The following MYO5B variants were observed in gnomAD, a reference collection of about 807,000 sequenced individuals.
MYO5B encodes unconventional myosin-Vb.
In MYO5B, 143 loss-of-function variants were observed where a neutral mutation model predicts 229.3. That is an observed-to-expected ratio of 0.62 (90% confidence interval 0.54 to 0.72). The LOEUF (loss-of-function observed/expected upper bound fraction) is 0.72, where lower values mean the gene tolerates loss of function less well. Ranked by LOEUF, MYO5B falls within the 30% of genes least tolerant of loss-of-function variation. The probability of loss-of-function intolerance (pLI) is 0.00; values close to 1 mark genes in which losing one functional copy is unlikely to be tolerated. For missense variants in MYO5B, 2,321 were observed against 2,331.0 expected (o/e 1.00, Z 0.09); for synonymous variants, 918 against 885.2 (o/e 1.04, Z -0.66).
chr18:50,047,771 G>A (rs891469258), intron 2 of MYO5B, among the ~76,000 whole-genome samples: 3 of 152,026 alleles, frequency 2.0e-5, no homozygotes, highest in African/African-American at 7.2e-5. Flanking sequence ...TAAAAATGAT[G>A]AGTTCATGTC....
chr18:49,993,844 T>A (rs2025958063), intron 5 of MYO5B, among the ~76,000 whole-genome samples: 1 of 152,178 alleles, frequency 6.6e-6, no homozygotes, highest in Admixed American at 6.5e-5. Flanking sequence ...ACTCCCTGTA[T>A]AAAACGCTTC....
intron 4 of MYO5B, among the ~76,000 whole-genome samples, chr18:50,012,569 C>T (rs1017727473): frequency 4.6e-5 from 7 of 152,200 alleles, no homozygotes; most frequent in Non-Finnish European, 1.0e-4. Flanking sequence ...GTCCGAGGTA[C>T]ACAGATGCAC....
At chr18:50,186,394 C>T (rs761656282) in intron 1 of MYO5B, among the ~76,000 whole-genome samples, 2 of 152,214 alleles carry the variant, frequency 1.3e-5, no homozygotes, top group Admixed American at 6.5e-5. Context: ...GTGAAAAATG[C>T]TTTTTAATTT....
chr18:49,984,645 G>A, intron 8 of MYO5B, 73 bp downstream of exon 8: 2 of 1,189,252 alleles, frequency 1.7e-6, no homozygotes, highest in Middle Eastern at 2.4e-4. Flanking sequence ...AGCACAGTGG[G>A]ACATCGCCTT....
intron 1 of MYO5B, among the ~76,000 whole-genome samples, chr18:50,123,999 T>A (rs2032114018): frequency 6.6e-6 from 1 of 152,260 alleles, no homozygotes; most frequent in African/African-American, 2.4e-5. Context: ...ACTGCAGATA[T>A]GCCCATAATT....
At chr18:49,962,041 G>A (rs879760534) in intron 12 of MYO5B, among the ~76,000 whole-genome samples, 28 of 152,124 alleles carry the variant, frequency 1.8e-4, no homozygotes, top group Non-Finnish European at 3.2e-4. Context: ...TCCCCCAAGA[G>A]AGGCATACGT....
At chr18:49,904,877 C>T (rs1384273304) in intron 19 of MYO5B, 49 bp from the exon 20 acceptor site, 1 of 1,602,572 alleles carries the variant, frequency 6.2e-7, no homozygotes, top group Non-Finnish European at 8.5e-7. Flanking sequence ...GTATTGACCG[C>T]CCTGATGCAG....
chr18:49,843,145 T>G (rs781272724), intron 34 of MYO5B, 96 bp downstream of exon 34: 5 of 1,518,456 alleles, frequency 3.3e-6, no homozygotes, highest in Non-Finnish European at 3.6e-6. Flanking sequence ...CCTAGGAGCA[T>G]TCACTACAGC....
In MYO5B at chr18:49,895,088, C is replaced by G. The variant is rs535423256; in HGVS notation, c.2898G>C (p.Leu966=). The change falls in exon 22 of 40, where the codon CTG becomes CTC. Residue 966 remains leucine (L), a synonymous_variant. Transcript: ENST00000285039. ...CACCTGGGCTCTGCTGGTAGTGCACCAGCTCCTTCTTCAGCCGCTCTACCT... is the reference window on the plus strand; with the variant it reads ...CACCTGGGCTCTGCTGGTAGTGCACGAGCTCCTTCTTCAGCCGCTCTACCT... ...TMEVERLKKE[L]VHYQQSPGED... The G allele has an allele frequency of 6.2e-7, 1 of 1,614,192 alleles. No homozygotes were observed. The highest frequency in any genetic ancestry group is 2.2e-5 in the East Asian group (1 of 44,882).
At chr18:50,087,176 T>C (rs1172347804) in intron 1 of MYO5B, among the ~76,000 whole-genome samples, 4 of 152,188 alleles carry the variant, frequency 2.6e-5, no homozygotes, top group African/African-American at 9.6e-5. Flanking sequence ...CACAGCCAGG[T>C]AGGACTTCGA....
intron 12 of MYO5B, among the ~76,000 whole-genome samples, chr18:49,958,117 A>G (rs1598911808): frequency 6.6e-6 from 1 of 152,110 alleles, no homozygotes; most frequent in African/African-American, 2.4e-5. Flanking sequence ...CCTTACCCAT[A>G]CCTGGGTGGC....
At chr18:50,035,339 G>A (rs1301999464) in intron 4 of MYO5B, among the ~76,000 whole-genome samples, 3 of 152,172 alleles carry the variant, frequency 2.0e-5, no homozygotes, top group African/African-American at 7.2e-5. Context: ...CAGAGCTGTT[G>A]GCATGGTATA....
At chr18:50,190,201 T>A (rs2033208243) in intron 1 of MYO5B, among the ~76,000 whole-genome samples, 1 of 152,246 alleles carries the variant, frequency 6.6e-6, no homozygotes, top group South Asian at 2.1e-4. Flanking sequence ...ATAAGAGTTG[T>A]ATTATTCAGC....
chr18:50,145,210 G>A (rs747120743), intron 1 of MYO5B, among the ~76,000 whole-genome samples: 3 of 152,090 alleles, frequency 2.0e-5, no homozygotes, highest in Admixed American at 6.5e-5. Context: ...ATTCTCAGCC[G>A]GGTGCAGCTC....
intron 2 of MYO5B, among the ~76,000 whole-genome samples, chr18:50,049,513 T>C (rs950669017): frequency 6.6e-6 from 1 of 152,240 alleles, no homozygotes; most frequent in Non-Finnish European, 1.5e-5. Context: ...AACTCCTAAC[T>C]TGGTGTACTC....
intron 33 of MYO5B, among the ~76,000 whole-genome samples, chr18:49,843,669 A>G (rs2024090164): frequency 6.6e-6 from 1 of 152,256 alleles, no homozygotes; most frequent in Non-Finnish European, 1.5e-5. Context: ...CTAATGCCTC[A>G]GCCTAACAAT....
chr18:49,836,648 A>ACTTGGAATGGACTCAGGGCTTC (rs2023990132), intron 38 of MYO5B, 63 bp downstream of exon 38: 1 of 1,586,228 alleles, frequency 6.3e-7, no homozygotes, highest in Non-Finnish European at 8.7e-7. Flanking sequence ...ACGAGAACAG[A>ACTTGGAATGGACTCAGGGCTTC]CTTGGAATGG....
chr18:49,830,160 C>CACACAT (rs1489198329), intron 39 of MYO5B, among the ~76,000 whole-genome samples: 1 of 99,530 alleles, frequency 1.0e-5, no homozygotes, highest in Non-Finnish European at 2.3e-5. Context: ...CACACACACA[C>CACACAT]ACACACACAC....
At chr18:50,087,134 T>C (rs930786902) in intron 1 of MYO5B, among the ~76,000 whole-genome samples, 2 of 152,210 alleles carry the variant, frequency 1.3e-5, no homozygotes, top group African/African-American at 4.8e-5. Context: ...TTCAGCTCTC[T>C]CTCAGTATTC....
Sources: gnomAD v4.1 joint callset for allele counts (sites outside exome capture counted in the v4.1 genomes callset) on GRCh38, gnomAD v4.1.1 for gene constraint, MANE v1.5 for transcripts, NCBI Gene and HGNC (gene_info 2026-07-23, HGNC 2026-07-21) for gene names.